The following ARHGAP15 variants were observed in gnomAD, a reference collection of about 807,000 sequenced individuals.
ARHGAP15 encodes the protein rho GTPase-activating protein 15.
A neutral mutation model predicts 63.7 loss-of-function variants in ARHGAP15; 51 were observed. The ratio of observed to expected loss-of-function variants is 0.80; its 90% CI spans 0.64 to 1.01. The LOEUF is 1.01. ARHGAP15 is among the 50% of genes least tolerant of loss of function. The pLI is 0.00. For missense variants in ARHGAP15, 560 were observed against 564.6 expected (o/e 0.99, Z 0.08); for synonymous variants, 191 against 193.8 (o/e 0.99, Z 0.12).
chr2:143,714,332 C>T (rs892426908), intron 13 of ARHGAP15, among the ~76,000 whole-genome samples: 3 of 152,204 alleles, frequency 2.0e-5, no homozygotes, highest in African/African-American at 7.2e-5. Context: ...GTACCACATC[C>T]CTAGGCTGCA....
intron 8 of ARHGAP15, among the ~76,000 whole-genome samples, chr2:143,444,493 A>T (rs934273548): frequency 6.6e-6 from 1 of 152,242 alleles, no homozygotes; most frequent in African/African-American, 2.4e-5. Flanking sequence ...ATCCATGTGC[A>T]GAGCAAAACA....
intron 6 of ARHGAP15, among the ~76,000 whole-genome samples, chr2:143,254,062 G>T (rs1404514420): frequency 6.6e-6 from 1 of 152,108 alleles, no homozygotes; most frequent in African/African-American, 2.4e-5. Flanking sequence ...GCAACACTAG[G>T]TCTTCATCAG....
intron 4 of ARHGAP15, among the ~76,000 whole-genome samples, chr2:143,225,822 C>T (rs191196421): frequency 6.6e-6 from 1 of 152,192 alleles, no homozygotes; most frequent in East Asian, 1.9e-4. Flanking sequence ...ACTAGATGAT[C>T]AGGTTTACGC....
intron 6 of ARHGAP15, among the ~76,000 whole-genome samples, chr2:143,321,032 C>T (rs1054774786): frequency 8.5e-5 from 13 of 152,116 alleles, no homozygotes; most frequent in East Asian, 7.7e-4. Context: ...TTCACAGCCA[C>T]GGCCCTTGGA....
At chr2:143,207,112 G>A (rs1692360884) in intron 3 of ARHGAP15, among the ~76,000 whole-genome samples, 1 of 151,490 alleles carries the variant, frequency 6.6e-6, no homozygotes, top group South Asian at 2.1e-4. Flanking sequence ...TCAAGCATAA[G>A]CTAATATCAG....
intron 9 of ARHGAP15, among the ~76,000 whole-genome samples, chr2:143,498,915 G>A (rs949175072): frequency 1.3e-5 from 2 of 152,050 alleles, no homozygotes; most frequent in African/African-American, 4.8e-5. Flanking sequence ...CAGAACATAT[G>A]GTGGAAAGAG....
At chr2:143,157,423 A>C (rs906218344) in intron 2 of ARHGAP15, among the ~76,000 whole-genome samples, 2 of 151,834 alleles carry the variant, frequency 1.3e-5, no homozygotes, top group Non-Finnish European at 2.9e-5. Context: ...ACCTTGTTAC[A>C]TAACTTTAGT....
intron 6 of ARHGAP15, among the ~76,000 whole-genome samples, chr2:143,263,905 G>GTTT (rs1680861133): frequency 1.3e-5 from 1 of 78,742 alleles, no homozygotes; most frequent in Non-Finnish European, 2.3e-5. Flanking sequence ...TGAAGCTGCA[G>GTTT]TCTTTTTTTT....
At chr2:143,511,446 G>A (rs938113660) in intron 9 of ARHGAP15, among the ~76,000 whole-genome samples, 2 of 152,142 alleles carry the variant, frequency 1.3e-5, no homozygotes, top group African/African-American at 2.4e-5. Flanking sequence ...CTAGCAAGAG[G>A]TGCTTTCTAA....
chr2:143,672,061 A>G (rs1559117682), intron 12 of ARHGAP15, among the ~76,000 whole-genome samples: 3 of 152,200 alleles, frequency 2.0e-5, no homozygotes, highest in Non-Finnish European at 4.4e-5. Context: ...AATTTTAGAA[A>G]CATATCAGTA....
intron 13 of ARHGAP15, among the ~76,000 whole-genome samples, chr2:143,728,960 A>G (rs1220913511): frequency 1.1e-4 from 17 of 152,226 alleles, no homozygotes; most frequent in Admixed American, 1.0e-3. Context: ...TGGGAAGTGC[A>G]GTGAAAGCCA....
Position 143,748,240 on chromosome 2 carries a change from A to G in ARHGAP15, c.1245-19749A>G, listed in dbSNP as rs1400554370. 3.9e-5 allele frequency among the ~76,000 whole-genome samples: 6 copies of G among 152,248 alleles called. No homozygotes were observed. The East Asian group carries it at 1.2e-3, about 29-fold the overall frequency. ...GCCTTTTTCTCTCTTCTTTGGTTAC[A>G]CTGTTAATTATGTCCAAAAAGCAAT... On this transcript the variant is annotated intron_variant, in intron 13 of 13. Transcript: ENST00000295095.
chr2:143,626,326 A>G (rs1698834181), intron 12 of ARHGAP15, among the ~76,000 whole-genome samples: 1 of 152,164 alleles, frequency 6.6e-6, no homozygotes, highest in Non-Finnish European at 1.5e-5. Context: ...AAGAGAGAGG[A>G]GACTTCGTCC....
At chr2:143,190,496 A>G (rs908187829) in intron 2 of ARHGAP15, among the ~76,000 whole-genome samples, 1 of 152,148 alleles carries the variant, frequency 6.6e-6, no homozygotes, top group Non-Finnish European at 1.5e-5. Context: ...GTTGCTAATG[A>G]GGTAGATTTT....
chr2:143,373,389 G>A (rs552230563), intron 6 of ARHGAP15, among the ~76,000 whole-genome samples: 1 of 152,216 alleles, frequency 6.6e-6, no homozygotes, highest in Admixed American at 6.5e-5. Flanking sequence ...CGAGCACTTT[G>A]GGAGGCCGAG....
At chr2:143,352,929 A>G (rs548771004) in intron 6 of ARHGAP15, among the ~76,000 whole-genome samples, 3 of 152,212 alleles carry the variant, frequency 2.0e-5, no homozygotes, top group Non-Finnish European at 2.9e-5. Flanking sequence ...GTTCCATTGC[A>G]TCATCATTAT....
intron 2 of ARHGAP15, among the ~76,000 whole-genome samples, chr2:143,190,488 T>C (rs1379080609): frequency 2.0e-5 from 3 of 152,214 alleles, no homozygotes; most frequent in Non-Finnish European, 2.9e-5. Context: ...AAAGTCTTGT[T>C]GCTAATGAGG....
chr2:143,427,903 C>T (rs999148670), intron 6 of ARHGAP15, among the ~76,000 whole-genome samples: 3 of 151,998 alleles, frequency 2.0e-5, no homozygotes, highest in Non-Finnish European at 2.9e-5. Context: ...GCATATCAAA[C>T]AATGCAATAT....
chr2:143,650,321 T>C (rs1681097514), intron 12 of ARHGAP15, among the ~76,000 whole-genome samples: 1 of 151,900 alleles, frequency 6.6e-6, no homozygotes, highest in Non-Finnish European at 1.5e-5. Context: ...GGGAAGTGAT[T>C]TAAATTCTCC....
Sources: allele counts gnomAD v4.1 joint callset (sites outside exome capture counted in the v4.1 genomes callset), GRCh38; gene constraint gnomAD v4.1.1; transcripts MANE v1.5; gene names NCBI Gene and HGNC (gene_info 2026-07-23, HGNC 2026-07-21).